Variants in DENND4C observed in about 807,000 individuals in gnomAD.
The protein encoded by DENND4C is DENN domain-containing protein 4C.
In DENND4C, 108 loss-of-function variants were observed where a neutral mutation model predicts 203.0. That is an observed-to-expected ratio of 0.53 (90% CI 0.46 to 0.62). The LOEUF (loss-of-function observed/expected upper bound fraction) is 0.62, where lower values mean the gene tolerates loss of function less well. Among genes scored for constraint, DENND4C ranks in the 20% least tolerant of loss-of-function variants. The pLI is 0.00. For synonymous variants in DENND4C, 871 were observed against 792.4 expected, an observed-to-expected ratio of 1.10 and a Z score of -1.67; for missense variants, 2,481 against 2,301.2, an observed-to-expected ratio of 1.08 and a Z score of -1.60.
At chr9:19,233,596 C>T (rs935627904) in intron 1 of DENND4C, among the ~76,000 whole-genome samples, 16 of 121,186 alleles carry the variant, frequency 1.3e-4, no homozygotes, top group Admixed American at 4.3e-4. Context: ...AGTCTCGCTT[C>T]GTCACCCAAG....
intron 31 of DENND4C, among the ~76,000 whole-genome samples, chr9:19,370,564 A>G (rs1031787094): frequency 4.6e-5 from 7 of 152,178 alleles, no homozygotes; most frequent in African/African-American, 1.7e-4. Flanking sequence ...ACCTATAATT[A>G]TATTTATTAA....
At chr9:19,309,864 G>A (rs1018329487) in intron 10 of DENND4C, among the ~76,000 whole-genome samples, 13 of 151,878 alleles carry the variant, frequency 8.6e-5, no homozygotes, top group African/African-American at 2.9e-4. Flanking sequence ...TTATAGATTC[G>A]TTTGGAGGCA....
rs756278570 is a variant in DENND4C at position 19,372,118 on chromosome 9, C to T, written c.5822C>T (p.Pro1941Leu). 6.2e-7 allele frequency: 1 copy of T among 1,614,054 alleles called. No homozygotes were observed. The highest frequency in any genetic ancestry group is 2.2e-5 in the East Asian group (1 of 44,876). ...GAAAGGTTGCAGAAAATTGATGCTC[C>T]ACCAAGTGCCAGTGTCGAGTGGTGC... ...ILERLQKIDA[P>L]PSASVEWCRK... is the part of the protein sequence containing the mutation. The change falls in exon 33 of 33, where the codon CCA (proline) becomes CTA (leucine). Residue 1941 changes from proline to leucine, a missense_variant. Around this residue, in one of 3 missense-constraint regions of DENND4C, gnomAD observed 2,289 missense variants for 2,113.3 expected, o/e 1.08. Transcript: ENST00000434457.
chr9:19,355,333 G>A (rs1825161054), intron 26 of DENND4C, among the ~76,000 whole-genome samples: 1 of 152,054 alleles, frequency 6.6e-6, no homozygotes, highest in African/African-American at 2.4e-5. Context: ...CTTGCAATTT[G>A]TGCTTTTGGA....
At chr9:19,359,098 G>C (rs944261112) in intron 28 of DENND4C, among the ~76,000 whole-genome samples, 7 of 151,688 alleles carry the variant, frequency 4.6e-5, no homozygotes, top group African/African-American at 1.7e-4. Flanking sequence ...AATTTATAGT[G>C]GAAAGGCAGG....
At chr9:19,350,553 T>C (rs988721044) in intron 23 of DENND4C, 149 bp from the exon 24 acceptor site, 1 of 612,992 alleles carries the variant, frequency 1.6e-6, no homozygotes, top group Non-Finnish European at 2.7e-6. Flanking sequence ...AGTGAAATAA[T>C]AGTGAGGAGA....
intron 1 of DENND4C, among the ~76,000 whole-genome samples, chr9:19,259,234 C>T (rs779340318): frequency 2.6e-4 from 40 of 151,778 alleles, no homozygotes; most frequent in East Asian, 1.5e-3. Context: ...GTCTCCATTC[C>T]GCCCCCGCCA....
chr9:19,355,689 G>A (rs117781420), intron 26 of DENND4C, among the ~76,000 whole-genome samples: 5,445 of 152,092 alleles, frequency 0.036, 136 homozygotes, highest in Non-Finnish European at 0.058. Context: ...GGTTAGTAGG[G>A]TGAGTTCCCA....
intron 5 of DENND4C, chr9:19,292,374 G>C (rs1371040496): frequency 1.3e-5 from 2 of 151,798 alleles, no homozygotes; most frequent in Non-Finnish European, 2.9e-5. Flanking sequence ...TGGAACACCG[G>C]AGACAAAACA....
chr9:19,334,105 C>T (rs1049911078), intron 17 of DENND4C, among the ~76,000 whole-genome samples: 3 of 152,228 alleles, frequency 2.0e-5, no homozygotes, highest in South Asian at 2.1e-4. Context: ...CATGCAGTGG[C>T]GCAGTCTTGG....
intron 29 of DENND4C, among the ~76,000 whole-genome samples, chr9:19,361,250 A>G (rs1342721299): frequency 6.6e-6 from 1 of 152,194 alleles, no homozygotes; most frequent in Non-Finnish European, 1.5e-5. Flanking sequence ...CATATTTTTC[A>G]GATGTTATAA....
chr9:19,371,573 C>T, intron 31 of DENND4C, 183 bp from the exon 32 acceptor site: 1 of 393,822 alleles, frequency 2.5e-6, no homozygotes, highest in East Asian at 5.4e-5. Flanking sequence ...AGCCTTCACA[C>T]AGCTTCCTCC....
At position 19,341,184 on chromosome 9, in the gene DENND4C, T is replaced by C. The variant is rs998210143; in HGVS notation, c.3004+70T>C. 2.2e-5 allele frequency: 28 copies of C among 1,255,066 alleles called. No individual in the cohort carries two copies. The Admixed American group carries it at 7.3e-4, about 33-fold the overall frequency. The allele number at this position is 1,255,066 out of a possible 1,614,324, so 77.7% of individuals were successfully genotyped here. ...ATTATTAATAATTAAAAGTTTATCTTAGTTGATAGCTTTGATGATTATTTT... is the reference window on the plus strand; with the variant it reads ...ATTATTAATAATTAAAAGTTTATCTCAGTTGATAGCTTTGATGATTATTTT... On this transcript the variant is annotated intron_variant, in intron 21 of 32. Coordinates refer to ENST00000434457, the MANE Select transcript of DENND4C (RefSeq NM_001330640.2).
At chr9:19,353,400 G>A (rs536595107) in intron 26 of DENND4C, among the ~76,000 whole-genome samples, 5 of 152,284 alleles carry the variant, frequency 3.3e-5, no homozygotes, top group Admixed American at 1.3e-4. Flanking sequence ...GGCCCAGACA[G>A]GTGGATTGCC....
At chr9:19,334,847 A>G (rs1296805656) in intron 17 of DENND4C, 130 bp from the exon 18 acceptor site, 2 of 934,906 alleles carry the variant, frequency 2.1e-6, no homozygotes, top group Non-Finnish European at 3.1e-6. Flanking sequence ...ATAATTTGCT[A>G]AGATGCTCAA....
At chr9:19,371,275 TAA>T (rs535713690) in intron 31 of DENND4C, 139 of 153,384 alleles carry the variant, frequency 9.1e-4, no homozygotes, top group Non-Finnish European at 1.5e-3. Flanking sequence ...GGTTAAATAG[TAA>T]AGAGACCACA....
rs143465120 is a variant in DENND4C at position 19,358,155 on chromosome 9, G to A, written c.5155G>A (p.Val1719Ile). 2,561 of 1,612,554 alleles carry A rather than the reference G, an allele frequency of 1.6e-3. 5 individuals are homozygous for A. The highest frequency in any genetic ancestry group is 2.1e-3 in the Non-Finnish European group (2,426 of 1,179,020). The change falls in exon 28 of 33, where the codon GTT becomes ATT. Residue 1719 changes from valine (V) to isoleucine (I), a missense_variant. By Grantham distance (29) the Val-to-Ile change is conservative (BLOSUM62 3). This residue lies in a region of DENND4C where 2,289 missense variants were observed against 2,113.3 expected (regional missense o/e 1.08). Transcript: ENST00000434457. This position sits in a 1 kb window ranked among gnomAD's most constrained non-coding sequence, Gnocchi z 4.8. Reference protein sequence around the residue: ...TVSLPNSLQEVVDPLGKRPNP... With the variant: ...TVSLPNSLQEIVDPLGKRPNP... ...TAGTCTTCCAAATAGTCTGCAGGAA[G>A]TTGTGGTATGTAACAACAACAACAT...
At chr9:19,295,728 A>G (rs1837334445) in intron 5 of DENND4C, among the ~76,000 whole-genome samples, 1 of 152,024 alleles carries the variant, frequency 6.6e-6, no homozygotes, top group South Asian at 2.1e-4. Flanking sequence ...GAGTGAGATC[A>G]TTAGAGTTCA....
At chr9:19,339,038 A>G (rs1821067476) in intron 20 of DENND4C, among the ~76,000 whole-genome samples, 1 of 152,232 alleles carries the variant, frequency 6.6e-6, no homozygotes, top group African/African-American at 2.4e-5. Context: ...GAAAAGTTGC[A>G]AGAATAATAC....
Sources: allele counts gnomAD v4.1 joint callset (sites outside exome capture counted in the v4.1 genomes callset), GRCh38; gene constraint gnomAD v4.1.1; regional missense constraint gnomAD v4.1.1; non-coding constraint Gnocchi (gnomAD v3.1); transcripts MANE v1.5; gene names NCBI Gene and HGNC (gene_info 2026-07-23, HGNC 2026-07-21).